Variants in DUSP6 observed in about 807,000 individuals in gnomAD.
The protein encoded by DUSP6 is dual specificity phosphatase 6.
A neutral mutation model predicts 28.0 loss-of-function variants in DUSP6; 6 were observed. The observed-to-expected ratio is 0.21, with a 90% CI of 0.12 to 0.42. The LOEUF (loss-of-function observed/expected upper bound fraction) is 0.42. Ranked by LOEUF, DUSP6 falls within the 10% of genes least tolerant of loss-of-function variation. DUSP6 has a pLI of 1.00. For missense variants in DUSP6, 451 were observed against 498.1 expected, an observed-to-expected ratio of 0.91 and a Z score of 0.90; for synonymous variants, 252 against 217.5, an observed-to-expected ratio of 1.16 and a Z score of -1.40.
In DUSP6 at chr12:89,352,119, A is replaced by G. The variant is rs936273181; in HGVS notation, c.-80T>C. The stretch of plus-strand genomic sequence containing the variant: ...GCATAGGCCGAGCGCACCGCGCGCG[A>G]AGCTGCCGCTCTCGGAGCGGGGTTT... On this transcript the variant is annotated 5_prime_UTR_variant, in exon 1 of 3. Coordinates refer to ENST00000279488, the MANE Select transcript of DUSP6 (RefSeq NM_001946.4). The G allele has an allele frequency of 4.6e-6, 7 of 1,528,484 alleles. No homozygotes were observed. In the African/African-American group the frequency reaches 8.3e-5, roughly 18 times the overall value. The allele number at this position is 1,528,484 out of a possible 1,614,324, so 94.7% of individuals were successfully genotyped here.
rs757293671 is a variant in DUSP6 at position 89,351,806 on chromosome 12, C to A, written c.234G>T (p.Thr78=). The part of the protein sequence containing the change: ...KGNLPVRALF[T]RGEDRDRFTR... Reference sequence around the variant, plus strand: ...TGAAGCGGTCCCGGTCCTCGCCGCGCGTGAAGAGCGCGCGCACCGGCAGGT... The same window carrying A: ...TGAAGCGGTCCCGGTCCTCGCCGCGAGTGAAGAGCGCGCGCACCGGCAGGT... The change falls in exon 1 of 3, where the codon ACG becomes ACT. Residue 78 remains threonine, a synonymous_variant. Transcript: ENST00000279488. The A allele has an allele frequency of 5.6e-6, 9 of 1,610,818 alleles. No homozygotes were observed. In the Admixed American group the frequency reaches 1.5e-4, roughly 27 times the overall value.
chr12:89,350,572 TATTA>T lies in DUSP6; in HGVS notation c.838+12_838+15del, dbSNP rs763529346. ...TGCATTTAAATGTCAGAGCGACGAC[TATTA>T]ATTAGTCTCACCTATGAAAGAAATG... On this transcript the variant is annotated intron_variant, in intron 2 of 2. Coordinates refer to ENST00000279488, the MANE Select transcript of DUSP6 (RefSeq NM_001946.4). 28 of 1,605,650 alleles carry T rather than the reference TATTA, an allele frequency of 1.7e-5. No individual in the cohort carries two copies. In the Admixed American group the frequency reaches 2.0e-4, roughly 12 times the overall value.
At position 89,352,057 on chromosome 12, in the gene DUSP6, A is replaced by G; in HGVS notation, c.-18T>C. ...TCTATCATGGGGGTCGAGCTGCGGG[A>G]GAGGGCGGGGTGCCTACCAGACGCC... On this transcript the variant is annotated 5_prime_UTR_variant, in exon 1 of 3. Coordinates refer to ENST00000279488, the MANE Select transcript of DUSP6 (RefSeq NM_001946.4). The G allele has an allele frequency of 6.2e-7, 1 of 1,602,542 alleles. No homozygotes were observed. Among genetic ancestry groups the G allele is most frequent in the East Asian group, 2.2e-5 (1 of 44,580 alleles).
Position 89,351,909 on chromosome 12 carries a change from A to G in DUSP6, c.131T>C (p.Leu44Pro), listed in dbSNP as rs1311205059. The G allele has an allele frequency of 6.2e-7, 1 of 1,612,752 alleles. No homozygotes were observed. Among genetic ancestry groups the G allele is most frequent in the Non-Finnish European group, 8.5e-7 (1 of 1,179,938 alleles). ...LLLMDCRPQE[L>P]YESSHIESAI... ...CGACTCGATGTGCGACGACTCGTAT[A>G]GCTCCTGCGGCCGGCAGTCCATCAG... Residue 44 changes from leucine (L) to proline (P), a missense_variant, in exon 1 of 3, where the codon CTA becomes CCA. Leu to Pro is a moderately conservative substitution (Grantham distance 98). Transcript: ENST00000279488.
chr12:89,351,888 T>A lies in DUSP6; in HGVS notation c.152A>T (p.Glu51Val), dbSNP rs756477775. Residue 51 changes from glutamate (E) to valine (V), a missense_variant, in exon 1 of 3, where the codon GAG becomes GTG. This residue lies in a region of DUSP6 where 347 missense variants were observed against 346.6 expected (regional missense o/e 1.00). Coordinates refer to ENST00000279488, the MANE Select transcript of DUSP6 (RefSeq NM_001946.4). ...CGGGATGGCCACGTTGATGGCCGAC[T>A]CGATGTGCGACGACTCGTATAGCTC... ...PQELYESSHIESAINVAIPGI... is the reference protein window; with the variant it reads ...PQELYESSHIVSAINVAIPGI... 6.2e-7 allele frequency: 1 copy of A among 1,612,794 alleles called. No homozygotes were observed. Among genetic ancestry groups the A allele is most frequent in the South Asian group, 1.1e-5 (1 of 91,088 alleles).
chr12:89,351,539 G>A (rs1173054755), intron 1 of DUSP6, 101 bp downstream of exon 1: 3 of 1,434,922 alleles, frequency 2.1e-6, no homozygotes, highest in Admixed American at 5.7e-5. Context: ...CGGCTCCGAA[G>A]CTCCAGCTGA....
chr12:89,351,111 ACAC>A, intron 1 of DUSP6, 86 bp from the exon 2 acceptor site: 4 of 1,405,058 alleles, frequency 2.8e-6, no homozygotes, highest in South Asian at 1.3e-5. Flanking sequence ...GGCGCAAGAA[ACAC>A]CACAAGCATC....
Position 89,350,765 on chromosome 12 carries a change from C to T in DUSP6, c.661G>A (p.Asp221Asn). The change falls in exon 2 of 3, where the codon GAC (aspartate) becomes AAC (asparagine). Residue 221 changes from aspartate to asparagine, a missense_variant. Asp to Asn is a conservative substitution (Grantham distance 23). This residue lies in a region of DUSP6 where 347 missense variants were observed against 346.6 expected (regional missense o/e 1.00). Coordinates refer to ENST00000279488, the MANE Select transcript of DUSP6 (RefSeq NM_001946.4). ...TCCAACACGTCCAAGTTGGTGGAGT[C>T]TTTGGCACAGCCCAAGTAGAGGAAG... is the stretch of plus-strand genomic sequence containing the variant. Reference protein sequence around the residue: ...LPFLYLGCAKDSTNLDVLEEF... With the variant: ...LPFLYLGCAKNSTNLDVLEEF... 1 of 1,614,088 alleles carries T rather than the reference C, an allele frequency of 6.2e-7. No individual in the cohort carries two copies. Among genetic ancestry groups the T allele is most frequent in the Non-Finnish European group, 8.5e-7 (1 of 1,180,030 alleles).
At position 89,351,955 on chromosome 12, in the gene DUSP6, G is replaced by T; in HGVS notation, c.85C>A (p.Leu29Met). 6.2e-7 allele frequency: 1 copy of T among 1,613,048 alleles called. No homozygotes were observed. ...TVAWLNEQLE[L>M]GNERLLLMDC... Reference sequence around the variant, plus strand: ...ATCAGCAGCAGCCGCTCGTTGCCCAGCTCCAGCTGCTCGTTGAGCCACGCC... The same window carrying T: ...ATCAGCAGCAGCCGCTCGTTGCCCATCTCCAGCTGCTCGTTGAGCCACGCC... The change falls in exon 1 of 3, where the codon CTG (leucine) becomes ATG (methionine). Residue 29 changes from leucine to methionine, a missense_variant. By Grantham distance (15) the Leu-to-Met change is conservative (BLOSUM62 2). Transcript: ENST00000279488.
In DUSP6 at chr12:89,347,752, C is replaced by T. The variant is rs1046356921; in HGVS notation, c.*1502G>A. The T allele has an allele frequency of 1.3e-5, 2 of 152,130 alleles. No homozygotes were observed. The highest frequency in any genetic ancestry group is 4.8e-5 in the African/African-American group (2 of 41,422). The allele number at this position is 152,130 out of a possible 1,614,324, so 9.4% of individuals were successfully genotyped here. A position where few individuals can be genotyped will look rare whatever the true frequency, so the allele number is the denominator to read the frequency against. On this transcript the variant is annotated 3_prime_UTR_variant, in exon 3 of 3. Transcript: ENST00000279488. ...GCTACACCTCTCTGTGGTTAATATC[C>T]AAATTGTATTCCTCAGCAAGCTATG...
chr12:89,351,473 G>C (rs917938612), intron 1 of DUSP6, 167 bp downstream of exon 1: 2 of 1,179,410 alleles, frequency 1.7e-6, no homozygotes, highest in Non-Finnish European at 2.3e-6. Flanking sequence ...CTCTGGTGCG[G>C]AACGCGCGGT....
At position 89,351,226 on chromosome 12, in the gene DUSP6, A is replaced by C; in HGVS notation, c.401-201T>G. 5.8e-6 allele frequency: 4 copies of C among 684,690 alleles called. No individual in the cohort carries two copies. In the South Asian group the frequency reaches 8.2e-5, roughly 14 times the overall value. The allele number at this position is 684,690 out of a possible 1,614,324, so 42.4% of individuals were successfully genotyped here. On this transcript the variant is annotated intron_variant, in intron 1 of 2. Transcript: ENST00000279488. ...GGGCCCGCCTCGCCAGGGAACCCTT[A>C]TTCGCTTGAATCCGGAAATAGACAA...
At chr12:89,351,613 C>CG in intron 1 of DUSP6, 27 bp downstream of exon 1, 1 of 1,573,520 alleles carries the variant, frequency 6.4e-7, no homozygotes, top group Non-Finnish European at 8.6e-7. Flanking sequence ...AGCCCTGCCC[C>CG]GCGCGCGGAG....
At position 89,350,927 on chromosome 12, in the gene DUSP6, G is replaced by T; in HGVS notation, c.499C>A (p.Leu167Ile). The T allele has an allele frequency of 6.2e-7, 1 of 1,613,750 alleles. No individual in the cohort carries two copies. Among genetic ancestry groups the T allele is most frequent in the Non-Finnish European group, 8.5e-7 (1 of 1,179,924 alleles). Residue 167 changes from leucine (L) to isoleucine (I), a missense_variant, in exon 2 of 3, where the codon CTC becomes ATC. Physicochemically the swap from Leu to Ile is conservative, Grantham distance 5. Transcript: ENST00000279488. ...SSSPPLPVLG[L>I]GGLRISSDSS... ...TCAGAGCTGATCCGCAGGCCCCCGA[G>T]CCCCAGCACTGGCAACGGCGGCGAG... is the stretch of plus-strand genomic sequence containing the variant.
At chr12:89,351,420 G>C in intron 1 of DUSP6, 6 of 753,088 alleles carry the variant, frequency 8.0e-6, no homozygotes, top group Non-Finnish European at 1.2e-5. Context: ...GAAACCGCCG[G>C]TACCCGCAGC....
chr12:89,350,834 G>C lies in DUSP6; in HGVS notation c.592C>G (p.Pro198Ala). 6.2e-7 allele frequency: 1 copy of C among 1,614,072 alleles called. No individual in the cohort carries two copies. The highest frequency in any genetic ancestry group is 8.5e-7 in the Non-Finnish European group (1 of 1,180,012). The change falls in exon 2 of 3, where the codon CCG becomes GCG. Residue 198 changes from proline to alanine, a missense_variant. Pro to Ala is a conservative substitution (Grantham distance 27). Around this residue, in one of 2 missense-constraint regions of DUSP6, gnomAD observed 347 missense variants for 346.6 expected, o/e 1.00. Transcript: ENST00000279488. ...AAGGAAGGCTGGCTGTTGGACAGCG[G>C]ACTACCATCCGAGTCTGTTGCACTA... ...PNSATDSDGSPLSNSQPSFPV... is the reference protein window; with the variant it reads ...PNSATDSDGSALSNSQPSFPV...
At position 89,349,149 on chromosome 12, in the gene DUSP6, T is replaced by C. The variant is rs1879090979; in HGVS notation, c.*105A>G. The C allele has an allele frequency of 1.6e-6, 2 of 1,276,372 alleles. No homozygotes were observed. Among genetic ancestry groups the C allele is most frequent in the African/African-American group, 3.0e-5 (2 of 67,240 alleles). 79.1% of individuals were successfully genotyped at this position (1,276,372 alleles called of 1,614,324 possible). A position where few individuals can be genotyped will look rare whatever the true frequency, so the allele number is the denominator to read the frequency against. ...TGTCTAGTACAGACAGCTGGTGTCA[T>C]TTTGACACCTGGGGCCACACACAAA... is the stretch of plus-strand genomic sequence containing the variant. On this transcript the variant is annotated 3_prime_UTR_variant, in exon 3 of 3. Coordinates refer to ENST00000279488, the MANE Select transcript of DUSP6 (RefSeq NM_001946.4).
Position 89,350,737 on chromosome 12 carries a change from T to A in DUSP6, c.689A>T (p.Glu230Val), listed in dbSNP as rs752840289. The A allele has an allele frequency of 6.2e-7, 1 of 1,614,064 alleles. No individual in the cohort carries two copies. Among genetic ancestry groups the A allele is most frequent in the South Asian group, 1.1e-5 (1 of 91,074 alleles). ...KDSTNLDVLE[E>V]FGIKYILNVT... ...GTTCAAGATGTACTTGATGCCGAAT[T>A]CCTCCAACACGTCCAAGTTGGTGGA... Residue 230 changes from glutamate (E) to valine (V), a missense_variant, in exon 2 of 3, where the codon GAA becomes GTA. Glu to Val is a moderately radical substitution (Grantham distance 121, BLOSUM62 -2). Transcript: ENST00000279488.
Position 89,352,016 on chromosome 12 carries a change from C to G in DUSP6, c.24G>C (p.Val8=). 6.2e-7 allele frequency: 1 copy of G among 1,612,920 alleles called. No individual in the cohort carries two copies. Residue 8 remains valine, a synonymous_variant, in exon 1 of 3, where the codon GTG becomes GTC. Coordinates refer to ENST00000279488, the MANE Select transcript of DUSP6 (RefSeq NM_001946.4). ...TGATCGCCATTTCCGACGCGAAGGG[C>G]ACGGGTCTGAGCGTATCTATCATGG... MIDTLRP[V]PFASEMAISK...
Sources: allele counts gnomAD v4.1 joint callset, GRCh38; gene constraint gnomAD v4.1.1; regional missense constraint gnomAD v4.1.1; transcripts MANE v1.5; gene names NCBI Gene and HGNC (gene_info 2026-07-23, HGNC 2026-07-21).